The following RASD2 variants were observed in gnomAD, a reference collection of about 807,000 sequenced individuals.
RASD2 encodes the protein GTP-binding protein Rhes.
A neutral mutation model predicts 15.8 loss-of-function variants in RASD2; 7 were observed. That is an observed-to-expected ratio of 0.44 (90% CI 0.25 to 0.83). RASD2 has a LOEUF of 0.83. RASD2 is among the 40% of genes least tolerant of loss of function. The pLI is 0.20. For synonymous variants in RASD2, 155 were observed against 153.6 expected, an observed-to-expected ratio of 1.01 and a Z score of -0.07; for missense variants, 274 against 382.8, an observed-to-expected ratio of 0.72 and a Z score of 2.37.
At chr22:35,549,459 G>A (rs970294999) in intron 2 of RASD2, among the ~76,000 whole-genome samples, 1 of 152,154 alleles carries the variant, frequency 6.6e-6, no homozygotes, top group Non-Finnish European at 1.5e-5. Context: ...CAGACGGGCC[G>A]ATCTCTGATG....
At chr22:35,536,984 G>T (rs572796675), upstream of RASD2, among the ~76,000 whole-genome samples, 1 of 152,310 alleles carries the variant, frequency 6.6e-6, no homozygotes, top group African/African-American at 2.4e-5. Context: ...CTCTGAGTGG[G>T]GAGCCTGGGT....
chr22:35,546,521 G>A (rs1601814056), intron 1 of RASD2, among the ~76,000 whole-genome samples: 2 of 152,178 alleles, frequency 1.3e-5, no homozygotes, highest in East Asian at 3.9e-4. Context: ...AAGATCAGTA[G>A]CTAGAGGCAA....
chr22:35,538,737 G>A (rs1027786513), upstream of RASD2, among the ~76,000 whole-genome samples: 2 of 152,160 alleles, frequency 1.3e-5, no homozygotes, highest in Non-Finnish European at 2.9e-5. Flanking sequence ...TTCTTGGGCC[G>A]TCTGCTACAT....
intron 2 of RASD2, among the ~76,000 whole-genome samples, chr22:35,548,050 TCAGA>T (rs916851654): frequency 6.6e-6 from 1 of 152,250 alleles, no homozygotes; most frequent in Non-Finnish European, 1.5e-5. Context: ...TTTTGTGCTT[TCAGA>T]CAAAGCCATA....
Position 35,541,280 on chromosome 22 carries a change from C to T in RASD2, c.-230C>T, listed in dbSNP as rs1282134753. ...CCCTGCCCGGGCCCCGCCGAGCCCT[C>T]GGAGCCCACCCATGGGGCACCTGCC... On this transcript the variant is annotated 5_prime_UTR_variant, in exon 1 of 3. Coordinates refer to ENST00000216127, the MANE Select transcript of RASD2 (RefSeq NM_014310.4). 1 of 152,004 alleles carries T rather than the reference C, an allele frequency of 6.6e-6. No individual in the cohort carries two copies. Among genetic ancestry groups the T allele is most frequent in the Admixed American group, 6.6e-5 (1 of 15,262 alleles). The allele number at this position is 152,004 out of a possible 1,614,324, so 9.4% of individuals were successfully genotyped here.
upstream of RASD2, among the ~76,000 whole-genome samples, chr22:35,537,808 GGATAGCTTCTCT>G (rs1569098650): frequency 2.0e-5 from 3 of 152,110 alleles, no homozygotes; most frequent in Non-Finnish European, 2.9e-5. Flanking sequence ...CTCAGAGGAG[GGATAGCTTCTCT>G]TCTTTAGAGA....
At chr22:35,535,424 AAGAGTTTACATAGCAAGTTCAG>A in the RASD2 span, among the ~76,000 whole-genome samples, 1 of 152,142 alleles carries the variant, frequency 6.6e-6, no homozygotes, top group Middle Eastern at 3.2e-3. Context: ...AGAAAAAAAA[AAGAGTTTACATAGCAAGTTCAG>A]AGAGTAAAAG....
At chr22:35,539,063 C>A (rs2145865068), upstream of RASD2, among the ~76,000 whole-genome samples, 1 of 152,314 alleles carries the variant, frequency 6.6e-6, no homozygotes, top group East Asian at 1.9e-4. Context: ...AGGTACTGCA[C>A]CCTCCACCCC....
At chr22:35,550,314 G>A (rs983158066) in intron 2 of RASD2, among the ~76,000 whole-genome samples, 11 of 150,738 alleles carry the variant, frequency 7.3e-5, no homozygotes, top group East Asian at 1.9e-4. Context: ...GGTGACAGGC[G>A]CCTGTAATCC....
chr22:35,546,756 C>G, intron 1 of RASD2, 45 bp from the exon 2 acceptor site: 2 of 1,584,998 alleles, frequency 1.3e-6, no homozygotes, highest in Non-Finnish European at 1.7e-6. Context: ...GTGGTGGGGC[C>G]AGGTCGGGGG....
chr22:35,539,654 C>T (rs1198453850), upstream of RASD2, among the ~76,000 whole-genome samples: 1 of 152,152 alleles, frequency 6.6e-6, no homozygotes, highest in African/African-American at 2.4e-5. Flanking sequence ...AATAACCTTG[C>T]TTTGTTTTCA....
chr22:35,546,764 G>C (rs1353796170), intron 1 of RASD2, 37 bp from the exon 2 acceptor site: 7 of 1,596,616 alleles, frequency 4.4e-6, no homozygotes, highest in Admixed American at 3.4e-5. Flanking sequence ...GCCAGGTCGG[G>C]GGGGCCCTGA....
At position 35,551,359 on chromosome 22, in the gene RASD2, G is replaced by T. The variant is rs543375589; in HGVS notation, c.272-144G>T. 1.3e-6 allele frequency: 1 copy of T among 770,544 alleles called. No individual in the cohort carries two copies. The allele number at this position is 770,544 out of a possible 1,614,324, so 47.7% of individuals were successfully genotyped here. A position where few individuals can be genotyped will look rare whatever the true frequency, so the allele number is the denominator to read the frequency against. On this transcript the variant is annotated intron_variant, in intron 2 of 2. Transcript: ENST00000216127. This position sits in a 1 kb window ranked among gnomAD's most constrained non-coding sequence, Gnocchi z 4.9. The stretch of plus-strand genomic sequence containing the variant: ...ATAATCGCAGCTACCCCGAAGAGTC[G>T]CTGTGTAGGTTAAAGCAGTTATGCC...
chr22:35,543,728 A>AT lies in RASD2; in HGVS notation c.-10+2236dup, dbSNP rs578006709. 1.4e-3 allele frequency among the ~76,000 whole-genome samples: 209 copies of AT among 151,546 alleles called. 2 individuals carry two copies. The highest frequency in any genetic ancestry group is 6.7e-3 in the South Asian group (32 of 4,802). On this transcript the variant is annotated intron_variant, in intron 1 of 2. Coordinates refer to ENST00000216127, the MANE Select transcript of RASD2 (RefSeq NM_014310.4). ...CTCTCAGAGATAAAAACCACAGAGG[A>AT]TTTTTTTTCTCTTTTTCCCCACCCT... is the stretch of plus-strand genomic sequence containing the variant.
At chr22:35,541,760 C>T (rs1468952485) in intron 1 of RASD2, among the ~76,000 whole-genome samples, 3 of 152,182 alleles carry the variant, frequency 2.0e-5, no homozygotes, top group Non-Finnish European at 4.4e-5. Context: ...ATTTATTGAG[C>T]TTCTACTATG....
the RASD2 span, among the ~76,000 whole-genome samples, chr22:35,532,994 G>C: frequency 6.6e-6 from 1 of 152,302 alleles, no homozygotes; most frequent in Admixed American, 6.5e-5. Context: ...ATTGCTGACT[G>C]ACTTTGCCCA....
upstream of RASD2, among the ~76,000 whole-genome samples, chr22:35,536,211 C>T (rs1934245806): frequency 6.6e-6 from 1 of 152,220 alleles, no homozygotes; most frequent in Non-Finnish European, 1.5e-5. Context: ...GATGCCCAGG[C>T]CTGCCAAGGC....
At chr22:35,542,563 T>C (rs1011780907) in intron 1 of RASD2, among the ~76,000 whole-genome samples, 64 of 152,154 alleles carry the variant, frequency 4.2e-4, no homozygotes, top group African/African-American at 1.4e-3. Context: ...GGTGGTGGGG[T>C]TGGCTTTGCC....
Position 35,551,609 on chromosome 22 carries a change from G to A in RASD2, c.378G>A (p.Lys126=). ...AGGTCAAGTCCTGCCTGAAGAACAA[G>A]ACCAAGGAGGCGGCGGAGCTGCCCA... ...ILEVKSCLKN[K]TKEAAELPMV... is the part of the protein sequence containing the mutation. Residue 126 remains lysine (K), a synonymous_variant, in exon 3 of 3, where the codon AAG becomes AAA. Coordinates refer to ENST00000216127, the MANE Select transcript of RASD2 (RefSeq NM_014310.4). This position sits in a 1 kb window ranked among gnomAD's most constrained non-coding sequence, Gnocchi z 4.9. The A allele has an allele frequency of 6.2e-7, 1 of 1,614,164 alleles. No individual in the cohort carries two copies. Among genetic ancestry groups the A allele is most frequent in the Non-Finnish European group, 8.5e-7 (1 of 1,180,030 alleles).
Sources: gnomAD v4.1 joint callset for allele counts (sites outside exome capture counted in the v4.1 genomes callset) on GRCh38, gnomAD v4.1.1 for gene constraint, Gnocchi (gnomAD v3.1) non-coding constraint, MANE v1.5 for transcripts, NCBI Gene and HGNC (gene_info 2026-07-23, HGNC 2026-07-21) for gene names.